The following DHX40 variants were observed in gnomAD, a reference collection of about 807,000 sequenced individuals.
DHX40 encodes probable ATP-dependent RNA helicase DHX40.
DHX40 carries 28 observed loss-of-function variants against 89.6 expected under a neutral mutation model. The observed-to-expected ratio is 0.31, with a 90% CI of 0.23 to 0.43. DHX40 has a LOEUF of 0.43. Among genes scored for constraint, DHX40 ranks in the 20% least tolerant of loss-of-function variants. DHX40 has a pLI of 1.00. For synonymous variants in DHX40, 226 were observed against 283.6 expected, an observed-to-expected ratio of 0.80 and a Z score of 2.04; for missense variants, 457 against 844.0, an observed-to-expected ratio of 0.54 and a Z score of 5.68.
chr17:59,605,966 C>G (rs1278736871), intron 17 of DHX40, among the ~76,000 whole-genome samples: 4 of 150,224 alleles, frequency 2.7e-5, no homozygotes, highest in African/African-American at 9.8e-5. Flanking sequence ...GACACTATCT[C>G]TAAAAAAAAA....
intron 3 of DHX40, 88 bp downstream of exon 3, chr17:59,570,751 A>C: frequency 1.5e-6 from 2 of 1,375,820 alleles, no homozygotes; most frequent in Non-Finnish European, 2.0e-6. Context: ...TGGCGCAATC[A>C]TGGCTCTCTG....
intron 7 of DHX40, 143 bp from the exon 8 acceptor site, chr17:59,577,123 C>T: frequency 1.4e-6 from 1 of 693,198 alleles, no homozygotes; most frequent in Non-Finnish European, 2.6e-6. Flanking sequence ...CCCGCCTCAG[C>T]CTCCCAAAGT....
intron 17 of DHX40, among the ~76,000 whole-genome samples, chr17:59,606,802 A>C (rs1484648855): frequency 1.3e-5 from 2 of 152,048 alleles, no homozygotes; most frequent in African/African-American, 4.8e-5. Flanking sequence ...ATTACAGTGT[A>C]ATAACACTGC....
At position 59,586,020 on chromosome 17, in the gene DHX40, A is replaced by AT. The variant is rs202052083; in HGVS notation, c.1344-124dup. ...GCCAAATGCTGATCATGATCATATA[A>AT]TTTTTTTTTAGAAAAAGAAGATGAC... On this transcript the variant is annotated intron_variant, in intron 10 of 17. Transcript: ENST00000251241. 3,776 of 685,036 alleles carry AT rather than the reference A, an allele frequency of 5.5e-3. 89 individuals are homozygous for AT. In the African/African-American group the frequency reaches 0.059, roughly 11 times the overall value. 42.4% of individuals were successfully genotyped at this position (685,036 alleles called of 1,614,324 possible). A position where few individuals can be genotyped will look rare whatever the true frequency, so the allele number is the denominator to read the frequency against.
intron 2 of DHX40, among the ~76,000 whole-genome samples, chr17:59,567,054 G>C (rs761038369): frequency 6.6e-6 from 1 of 152,070 alleles, no homozygotes; most frequent in Non-Finnish European, 1.5e-5. Context: ...CCATTTTATA[G>C]AATAAAGTTG....
chr17:59,566,594 T>G lies in DHX40; in HGVS notation c.113-33T>G. Reference sequence around the variant, plus strand: ...ATTGAGTCAGAGATATCTTTACAAGTCTTTTAATTGACTTGTTTTTCTGTT... The same window carrying G: ...ATTGAGTCAGAGATATCTTTACAAGGCTTTTAATTGACTTGTTTTTCTGTT... On this transcript the variant is annotated intron_variant, in intron 1 of 17. Coordinates refer to ENST00000251241, the MANE Select transcript of DHX40 (RefSeq NM_024612.5). The G allele has an allele frequency of 1.9e-6, 3 of 1,549,876 alleles. No homozygotes were observed. The African/African-American group carries it at 4.2e-5, about 22-fold the overall frequency.
Position 59,573,812 on chromosome 17 carries a change from G to A in DHX40, c.619G>A (p.Val207Met). ...TAATAGGAAGGAGCATTTAAAAGTGGTGGTAATGTCAGCAACTATGGAATT... is the reference window on the plus strand; with the variant it reads ...TAATAGGAAGGAGCATTTAAAAGTGATGGTAATGTCAGCAACTATGGAATT... ...SPNRKEHLKV[V>M]VMSATMELAK... Residue 207 changes from valine (V) to methionine (M), a missense_variant, in exon 5 of 18, where the codon GTG becomes ATG. By Grantham distance (21) the Val-to-Met change is conservative (BLOSUM62 1). This residue lies in a region of DHX40 where 116 missense variants were observed against 188.9 expected (regional missense o/e 0.61). Coordinates refer to ENST00000251241, the MANE Select transcript of DHX40 (RefSeq NM_024612.5). The A allele has an allele frequency of 6.2e-7, 1 of 1,613,648 alleles. No homozygotes were observed.
At chr17:59,599,971 G>A (rs1218827398) in intron 14 of DHX40, among the ~76,000 whole-genome samples, 2 of 151,184 alleles carry the variant, frequency 1.3e-5, no homozygotes, top group African/African-American at 4.9e-5. Context: ...TTACAGGCTT[G>A]CGTCACCACA....
chr17:59,574,220 T>A lies in DHX40; in HGVS notation c.807T>A (p.Asn269Lys), dbSNP rs1358191087. The stretch of plus-strand genomic sequence containing the variant: ...AAGTCACCATGGATATCCATTTGAA[T>A]GAAATGGCTGGAGACATCTTGGTTT... ...IVKVTMDIHL[N>K]EMAGDILVFL... The change falls in exon 6 of 18, where the codon AAT (asparagine) becomes AAA (lysine). Residue 269 changes from asparagine to lysine, a missense_variant. Physicochemically the swap from Asn to Lys is moderately conservative, Grantham distance 94. Around this residue, in one of 9 missense-constraint regions of DHX40, gnomAD observed 116 missense variants for 188.9 expected, o/e 0.61. Coordinates refer to ENST00000251241, the MANE Select transcript of DHX40 (RefSeq NM_024612.5). The A allele has an allele frequency of 3.8e-6, 2 of 520,140 alleles. No individual in the cohort carries two copies. Among genetic ancestry groups the A allele is most frequent in the Non-Finnish European group, 6.6e-6 (2 of 303,638 alleles). 32.2% of individuals were successfully genotyped at this position (520,140 alleles called of 1,614,324 possible).
intron 4 of DHX40, 117 bp downstream of exon 4, chr17:59,573,352 T>G (rs1447922944): frequency 1.0e-5 from 9 of 887,192 alleles, no homozygotes; most frequent in Non-Finnish European, 1.3e-5. Context: ...TTTTTAGAGA[T>G]GGAGTCTTGC....
chr17:59,568,878 A>T (rs548178780), intron 2 of DHX40, among the ~76,000 whole-genome samples: 39 of 150,720 alleles, frequency 2.6e-4, no homozygotes, highest in Admixed American at 5.3e-4. Context: ...ATATTTATTT[A>T]TTTTTTTGAG....
At chr17:59,572,684 A>G (rs1016383090) in intron 3 of DHX40, among the ~76,000 whole-genome samples, 2 of 152,154 alleles carry the variant, frequency 1.3e-5, no homozygotes, top group African/African-American at 4.8e-5. Flanking sequence ...TGACCTAAGT[A>G]ACACATTTTT....
At chr17:59,606,019 T>G (rs990849096) in intron 17 of DHX40, among the ~76,000 whole-genome samples, 1 of 152,082 alleles carries the variant, frequency 6.6e-6, no homozygotes, top group African/African-American at 2.4e-5. Flanking sequence ...TCCCCTTTGT[T>G]TCCAAGGGGC....
chr17:59,570,571 A>C lies in DHX40; in HGVS notation c.334A>C (p.Ile112Leu), dbSNP rs754573837. 1 of 1,610,466 alleles carries C rather than the reference A, an allele frequency of 6.2e-7. No homozygotes were observed. Among genetic ancestry groups the C allele is most frequent in the Non-Finnish European group, 8.5e-7 (1 of 1,178,394 alleles). ...AACTCAACCACGAAAAGTAGCTGCT[A>C]TATCAGTTGCTCAGAGAGTAGCTGA... ...GVTQPRKVAA[I>L]SVAQRVAEEM... Residue 112 changes from isoleucine to leucine, a missense_variant, in exon 3 of 18, where the codon ATA (isoleucine) becomes CTA (leucine). Transcript: ENST00000251241.
chr17:59,572,375 T>C (rs2048822642), intron 3 of DHX40, among the ~76,000 whole-genome samples: 1 of 152,184 alleles, frequency 6.6e-6, no homozygotes, highest in Admixed American at 6.5e-5. Context: ...TTAATGCTTG[T>C]TGAGTAACAC....
rs1428977758 is a variant in DHX40, at chr17:59,605,858, G to A, written c.2200+184G>A. On this transcript the variant is annotated intron_variant, in intron 17 of 17. Coordinates refer to ENST00000251241, the MANE Select transcript of DHX40 (RefSeq NM_024612.5). Reference sequence around the variant, plus strand: ...TGTGCACCTGTAGTCCCAGTGACTTGGGAGGCTGATGCAGGAGGATCGCTT... The same window carrying A: ...TGTGCACCTGTAGTCCCAGTGACTTAGGAGGCTGATGCAGGAGGATCGCTT... The A allele has an allele frequency of 5.9e-6, 4 of 676,174 alleles. No individual in the cohort carries two copies. In the East Asian group the frequency reaches 1.2e-4, roughly 20 times the overall value. 41.9% of individuals were successfully genotyped at this position (676,174 alleles called of 1,614,324 possible).
chr17:59,604,988 G>A (rs1233153093), intron 15 of DHX40, 127 bp from the exon 16 acceptor site: 2 of 763,388 alleles, frequency 2.6e-6, no homozygotes, highest in Non-Finnish European at 4.4e-6. Context: ...TTGAATAAAT[G>A]TAAACCTCTG....
rs778203917 is a variant in DHX40 at position 59,587,963 on chromosome 17, G to C, written c.1492G>C (p.Ala498Pro). The change falls in exon 12 of 18, where the codon GCA becomes CCA. Residue 498 changes from alanine to proline, a missense_variant. Physicochemically the swap from Ala to Pro is conservative, Grantham distance 27 (BLOSUM62 -1). This residue lies in a region of DHX40 where 19 missense variants were observed against 110.3 expected (regional missense o/e 0.17). Coordinates refer to ENST00000251241, the MANE Select transcript of DHX40 (RefSeq NM_024612.5). Reference protein sequence around the residue: ...EFPLPPHLTCAVIKAASLDCE... With the variant: ...EFPLPPHLTCPVIKAASLDCE... The stretch of plus-strand genomic sequence containing the variant: ...TCCTTTGCCTCCACATCTGACATGT[G>C]CAGTAATAAAAGCTGCTTCCCTGGA... The C allele has an allele frequency of 6.2e-7, 1 of 1,613,726 alleles. No individual in the cohort carries two copies. The highest frequency in any genetic ancestry group is 1.1e-5 in the South Asian group (1 of 91,072).
chr17:59,587,181 A>G (rs1362981611), intron 11 of DHX40, among the ~76,000 whole-genome samples: 1 of 150,766 alleles, frequency 6.6e-6, no homozygotes, highest in East Asian at 1.9e-4. Flanking sequence ...GGTAAAATTG[A>G]AAAAATAAAA....
Sources: gnomAD v4.1 joint callset for allele counts (sites outside exome capture counted in the v4.1 genomes callset) on GRCh38, gnomAD v4.1.1 for gene constraint, gnomAD v4.1.1 regional missense constraint, MANE v1.5 for transcripts, NCBI Gene and HGNC (gene_info 2026-07-23, HGNC 2026-07-21) for gene names.